RNF220: variants seen among roughly 807,000 people sequenced by gnomAD.
RNF220 encodes ring finger protein 220.
In RNF220, 7 loss-of-function variants were observed where a neutral mutation model predicts 67.1. The ratio of observed to expected loss-of-function variants is 0.10; its 90% CI spans 0.06 to 0.20. RNF220 has a LOEUF of 0.20. Among genes scored for constraint, RNF220 ranks in the 10% least tolerant of loss-of-function variants. The pLI is 1.00. For missense variants in RNF220, 565 were observed against 740.3 expected, an observed-to-expected ratio of 0.76 and a Z score of 2.75; for synonymous variants, 270 against 283.2, an observed-to-expected ratio of 0.95 and a Z score of 0.47.
intron 2 of RNF220, among the ~76,000 whole-genome samples, chr1:44,546,857 CA>C (rs1662200163): frequency 3.3e-5 from 5 of 152,358 alleles, no homozygotes; most frequent in Admixed American, 3.3e-4. Context: ...TGGACAACTG[CA>C]TTGCTACAGC....
chr1:44,485,682 G>A (rs781683598), intron 2 of RNF220, among the ~76,000 whole-genome samples: 21 of 152,132 alleles, frequency 1.4e-4, no homozygotes, highest in African/African-American at 3.1e-4. Flanking sequence ...AATCTCAGTC[G>A]CTTCTGTGAT....
intron 2 of RNF220, among the ~76,000 whole-genome samples, chr1:44,458,843 C>T (rs1429559315): frequency 2.0e-5 from 3 of 152,316 alleles, no homozygotes; most frequent in Non-Finnish European, 2.9e-5. Flanking sequence ...GCCTGCCAGC[C>T]GTGAGCATTC....
At chr1:44,612,167 T>C (rs1643338879) in intron 2 of RNF220, among the ~76,000 whole-genome samples, 1 of 152,236 alleles carries the variant, frequency 6.6e-6, no homozygotes, top group Non-Finnish European at 1.5e-5. Context: ...GCCTCCTGGA[T>C]GGCTGGAGCT....
At chr1:44,509,417 G>T (rs1468042642) in intron 2 of RNF220, among the ~76,000 whole-genome samples, 1 of 152,084 alleles carries the variant, frequency 6.6e-6, no homozygotes, top group Admixed American at 6.5e-5. Flanking sequence ...AGGCGTGGTG[G>T]TGGGCGCCTG....
chr1:44,468,518 T>C (rs995291746), intron 2 of RNF220, among the ~76,000 whole-genome samples: 1 of 152,214 alleles, frequency 6.6e-6, no homozygotes, highest in Non-Finnish European at 1.5e-5. Flanking sequence ...TTAATAGTAC[T>C]TGCGTTTGGG....
chr1:44,643,049 G>C (rs1644532517), intron 8 of RNF220: 1 of 152,488 alleles, frequency 6.6e-6, no homozygotes, highest in African/African-American at 2.4e-5. Flanking sequence ...TGTTTTCTCA[G>C]CTTAATGGCC....
At chr1:44,609,508 C>T (rs1667510057) in intron 2 of RNF220, among the ~76,000 whole-genome samples, 2 of 152,172 alleles carry the variant, frequency 1.3e-5, no homozygotes, top group South Asian at 2.1e-4. Flanking sequence ...TTGAACAAGA[C>T]GCCCGACCTC....
At chr1:44,502,678 A>G (rs1326618242) in intron 2 of RNF220, among the ~76,000 whole-genome samples, 1 of 152,236 alleles carries the variant, frequency 6.6e-6, no homozygotes, top group African/African-American at 2.4e-5. Context: ...CACACATGCC[A>G]CACAATACAT....
At chr1:44,532,395 C>T (rs1192534704) in intron 2 of RNF220, among the ~76,000 whole-genome samples, 1 of 152,152 alleles carries the variant, frequency 6.6e-6, no homozygotes, top group Admixed American at 6.5e-5. Flanking sequence ...TTATTGTTAT[C>T]CTTACTTCTA....
chr1:44,573,459 C>A (rs748774642), intron 2 of RNF220, among the ~76,000 whole-genome samples: 10 of 152,208 alleles, frequency 6.6e-5, no homozygotes, highest in Non-Finnish European at 1.5e-4. Flanking sequence ...AGACCAGAAT[C>A]TACAGAAGGA....
rs142468919 is a variant in RNF220 at position 44,502,306 on chromosome 1, G to A, written c.625+89584G>A. ...ACTGGGGCAGTCAGTTCTCTAAATG[G>A]CACCACTGTGTGTTCTCAGCTCTAG... On this transcript the variant is annotated intron_variant, in intron 2 of 14. Coordinates refer to ENST00000361799, the MANE Select transcript of RNF220 (RefSeq NM_018150.4). 2.7e-3 allele frequency among the ~76,000 whole-genome samples: 405 copies of A among 152,216 alleles called. 2 individuals are homozygous for A. The highest frequency in any genetic ancestry group is 9.3e-3 in the African/African-American group (385 of 41,530).
intron 6 of RNF220, 155 bp from the exon 7 acceptor site, chr1:44,635,390 G>T: frequency 8.5e-7 from 1 of 1,182,882 alleles, no homozygotes; most frequent in South Asian, 1.6e-5. Context: ...GTCCCCAAAG[G>T]AGCAGGAGGT....
intron 1 of RNF220, among the ~76,000 whole-genome samples, chr1:44,406,641 ACC>A (rs1647358465): frequency 6.6e-6 from 1 of 152,022 alleles, no homozygotes; most frequent in African/African-American, 2.4e-5. Flanking sequence ...TCTGCCCGGA[ACC>A]CAGCCCCGCC....
intron 2 of RNF220, among the ~76,000 whole-genome samples, chr1:44,457,646 C>T (rs1050074927): frequency 3.3e-5 from 5 of 151,578 alleles, no homozygotes; most frequent in Admixed American, 2.6e-4. Flanking sequence ...TTTAGATCTG[C>T]GTTTTAGGAA....
rs1643806208 is a variant in RNF220 at position 44,621,793 on chromosome 1, G to A, written c.759-949G>A. On this transcript the variant is annotated intron_variant, in intron 3 of 14. Transcript: ENST00000361799. This position sits in a 1 kb window ranked among gnomAD's most constrained non-coding sequence, Gnocchi z 4.8. ...CTGCTTTCCGGGTATATCTGCAGGT[G>A]TGCTGTACGTTATACCTCATATGTG... Among the ~76,000 whole-genome samples, 1 of 152,214 alleles carries A rather than the reference G, an allele frequency of 6.6e-6. No individual in the cohort carries two copies. Among genetic ancestry groups the A allele is most frequent in the African/African-American group, 2.4e-5 (1 of 41,450 alleles).
In RNF220 at chr1:44,588,882, ACT is replaced by A. The variant is rs1302862759; in HGVS notation, c.626-25280_626-25279del. Among the ~76,000 whole-genome samples the A allele has an allele frequency of 3.9e-5, 6 of 152,086 alleles. No individual in the cohort carries two copies. In the East Asian group the frequency reaches 1.2e-3, roughly 29 times the overall value. On this transcript the variant is annotated intron_variant, in intron 2 of 14. Transcript: ENST00000361799. Reference sequence around the variant, plus strand: ...TTTCTAGTGGCTCTCCCACCTTCAGACTCTGCCATCTCAGGCCTCTCCTGCCA... The same window carrying A: ...TTTCTAGTGGCTCTCCCACCTTCAGACTGCCATCTCAGGCCTCTCCTGCCA...
intron 2 of RNF220, among the ~76,000 whole-genome samples, chr1:44,578,888 G>A (rs970307526): frequency 1.4e-4 from 22 of 152,092 alleles, no homozygotes; most frequent in African/African-American, 3.1e-4. Flanking sequence ...TCCTCAGGCC[G>A]GGTGCGGTGG....
At chr1:44,559,972 C>T (rs1033660464) in intron 2 of RNF220, among the ~76,000 whole-genome samples, 3 of 152,222 alleles carry the variant, frequency 2.0e-5, no homozygotes, top group African/African-American at 7.2e-5. Flanking sequence ...CAAGGGCCCC[C>T]CTCAGCCCAG....
At chr1:44,411,800 A>G (rs920910276) in intron 1 of RNF220, among the ~76,000 whole-genome samples, 181 bp from the exon 2 acceptor site, 1 of 151,998 alleles carries the variant, frequency 6.6e-6, no homozygotes, top group Non-Finnish European at 1.5e-5. Flanking sequence ...TAAGTTGTCT[A>G]TTGATTTTCC....
Sources: allele counts gnomAD v4.1 joint callset (sites outside exome capture counted in the v4.1 genomes callset), GRCh38; gene constraint gnomAD v4.1.1; non-coding constraint Gnocchi (gnomAD v3.1); transcripts MANE v1.5; gene names NCBI Gene and HGNC (gene_info 2026-07-23, HGNC 2026-07-21).